Variants in PHACTR2 observed in about 807,000 individuals in gnomAD.
PHACTR2 encodes the protein chromosome 6 open reading frame 56.
PHACTR2 carries 30 observed loss-of-function variants against 76.0 expected under a neutral mutation model. The ratio of observed to expected loss-of-function variants is 0.39; its 90% CI spans 0.30 to 0.54. PHACTR2 has a LOEUF of 0.54. Ranked by LOEUF, PHACTR2 falls within the 20% of genes least tolerant of loss-of-function variation. The pLI is 0.61. For synonymous variants in PHACTR2, 292 were observed against 292.5 expected, an observed-to-expected ratio of 1.00 and a Z score of 0.02; for missense variants, 696 against 781.1, an observed-to-expected ratio of 0.89 and a Z score of 1.30.
chr6:143,643,396 G>A (rs942394276), intron 1 of PHACTR2, among the ~76,000 whole-genome samples: 1 of 152,160 alleles, frequency 6.6e-6, no homozygotes, highest in Non-Finnish European at 1.5e-5. Flanking sequence ...AAATTGGTTA[G>A]TTTATAGTCC....
chr6:143,683,294 T>G lies in PHACTR2; in HGVS notation c.46+5085T>G, dbSNP rs1582767554. ...TGAATGAGTCAACAAATAGTCTCAA[T>G]AAGCAGCCTGACTGCTTTAAACCAA... On this transcript the variant is annotated intron_variant, in intron 1 of 12. Coordinates refer to ENST00000440869, the MANE Select transcript of PHACTR2 (RefSeq NM_001100164.2). This position sits in a 1 kb window ranked among gnomAD's most constrained non-coding sequence, Gnocchi z 4.1. 6.6e-6 allele frequency among the ~76,000 whole-genome samples: 1 copy of G among 152,242 alleles called. No homozygotes were observed. Among genetic ancestry groups the G allele is most frequent in the African/African-American group, 2.4e-5 (1 of 41,460 alleles).
At position 143,743,345 on chromosome 6, in the gene PHACTR2, C is replaced by T. The variant is rs569354949; in HGVS notation, c.215-5640C>T. 6.6e-5 allele frequency among the ~76,000 whole-genome samples: 10 copies of T among 152,258 alleles called. No individual in the cohort carries two copies. The highest frequency in any genetic ancestry group is 1.9e-4 in the East Asian group (1 of 5,184). On this transcript the variant is annotated intron_variant, in intron 2 of 12. Coordinates refer to ENST00000440869, the MANE Select transcript of PHACTR2 (RefSeq NM_001100164.2). This position sits in a 1 kb window ranked among gnomAD's most constrained non-coding sequence, Gnocchi z 5.0. Reference sequence around the variant, plus strand: ...TGATGGGAAAAATGGTTCGCTGGGACGGGTTGTAAAGCTTGGCTGCCGTTC... The same window carrying T: ...TGATGGGAAAAATGGTTCGCTGGGATGGGTTGTAAAGCTTGGCTGCCGTTC...
intron 2 of PHACTR2, among the ~76,000 whole-genome samples, chr6:143,735,721 C>A (rs754070753): frequency 2.8e-4 from 42 of 152,040 alleles, no homozygotes; most frequent in Non-Finnish European, 5.1e-4. Context: ...ATATTGCTGG[C>A]ATTCCGTCAT....
intron 1 of PHACTR2, among the ~76,000 whole-genome samples, chr6:143,629,537 G>A (rs57947215): frequency 3.6e-3 from 541 of 152,234 alleles, no homozygotes; most frequent in African/African-American, 0.012. Context: ...GTATTGCGAT[G>A]GAAGCTCATA....
intron 12 of PHACTR2, among the ~76,000 whole-genome samples, chr6:143,814,166 G>A (rs1273460017): frequency 6.6e-6 from 1 of 152,140 alleles, no homozygotes; most frequent in Non-Finnish European, 1.5e-5. Context: ...GACGAGCTTG[G>A]CCAACATGGA....
intron 1 of PHACTR2, among the ~76,000 whole-genome samples, chr6:143,666,513 A>G (rs901843398): frequency 2.6e-5 from 4 of 152,190 alleles, no homozygotes; most frequent in Non-Finnish European, 5.9e-5. Flanking sequence ...CAGCATTCCC[A>G]TGTTTCCACA....
At chr6:143,716,762 G>C (rs893090620) in intron 2 of PHACTR2, among the ~76,000 whole-genome samples, 1 of 152,220 alleles carries the variant, frequency 6.6e-6, no homozygotes, top group Non-Finnish European at 1.5e-5. Context: ...ATTTGGAAGA[G>C]GAGTCTCCCA....
chr6:143,704,974 G>A (rs1237218276), intron 1 of PHACTR2, among the ~76,000 whole-genome samples: 5 of 149,994 alleles, frequency 3.3e-5, no homozygotes, highest in Non-Finnish European at 5.9e-5. Flanking sequence ...CTACACACAC[G>A]CTCCACCATG....
In PHACTR2 at chr6:143,546,929, C is replaced by T. The variant is rs1019195608; in HGVS notation, c.217+9722C>T. Among the ~76,000 whole-genome samples, 15 of 151,734 alleles carry T rather than the reference C, an allele frequency of 9.9e-5. No homozygotes were observed. In the South Asian group the frequency reaches 3.1e-3, roughly 32 times the overall value. Reference sequence around the variant, plus strand: ...GTGCGCACCTGTAGTCCTTGCTACTCAGGAGGCTGAAGTGGAAAGATTGCT... The same window carrying T: ...GTGCGCACCTGTAGTCCTTGCTACTTAGGAGGCTGAAGTGGAAAGATTGCT... On this transcript the variant is annotated intron_variant, in intron 1 of 11. Transcript: ENST00000367584. This position sits in a 1 kb window ranked among gnomAD's most constrained non-coding sequence, Gnocchi z 4.9.
chr6:143,642,468 A>T (rs751602129), intron 1 of PHACTR2, among the ~76,000 whole-genome samples: 1 of 152,192 alleles, frequency 6.6e-6, no homozygotes, highest in African/African-American at 2.4e-5. Flanking sequence ...CTGCAGTCAG[A>T]TGTAGTGGTT....
Position 143,754,012 on chromosome 6 carries a change from G to C in PHACTR2, c.454+100G>C. The C allele has an allele frequency of 3.2e-6, 2 of 623,982 alleles. No homozygotes were observed. Among genetic ancestry groups the C allele is most frequent in the Non-Finnish European group, 5.1e-6 (2 of 395,028 alleles). The allele number at this position is 623,982 out of a possible 1,614,324, so 38.7% of individuals were successfully genotyped here. On this transcript the variant is annotated intron_variant, in intron 4 of 12. Coordinates refer to ENST00000440869, the MANE Select transcript of PHACTR2 (RefSeq NM_001100164.2). This position sits in a 1 kb window ranked among gnomAD's most constrained non-coding sequence, Gnocchi z 6.2. ...CTAGTGACTCTAAAACCAGCAGTCT[G>C]CAGAGGAGAGGTTTACAAATAGAAA...
At chr6:143,748,775 G>T (rs751930137) in intron 2 of PHACTR2, among the ~76,000 whole-genome samples, 1 of 152,198 alleles carries the variant, frequency 6.6e-6, no homozygotes, top group Non-Finnish European at 1.5e-5. Flanking sequence ...CAGGGATGGC[G>T]GTTGGACTTC....
upstream of PHACTR2, among the ~76,000 whole-genome samples, chr6:143,606,047 T>A (rs576372155): frequency 1.1e-4 from 16 of 152,162 alleles, no homozygotes; most frequent in African/African-American, 1.4e-4. Flanking sequence ...TGTTTCAGAA[T>A]TCAGAATTTT....
At chr6:143,622,096 A>G (rs914509052) in intron 1 of PHACTR2, among the ~76,000 whole-genome samples, 1 of 151,998 alleles carries the variant, frequency 6.6e-6, no homozygotes, top group Non-Finnish European at 1.5e-5. Flanking sequence ...GAGTTTGTGA[A>G]TTTTTTACAT....
At chr6:143,741,417 C>T (rs1407207285) in intron 2 of PHACTR2, among the ~76,000 whole-genome samples, 3 of 152,266 alleles carry the variant, frequency 2.0e-5, no homozygotes, top group East Asian at 1.9e-4. Context: ...CGCTTGAACC[C>T]GGGAGGCAGA....
chr6:143,658,954 G>A lies in PHACTR2; in HGVS notation c.13+50632G>A, dbSNP rs149298652. 0.018 allele frequency among the ~76,000 whole-genome samples: 2,759 copies of A among 151,962 alleles called. 85 individuals carry two copies. The highest frequency in any genetic ancestry group is 0.061 in the African/African-American group (2,538 of 41,390). The stretch of plus-strand genomic sequence containing the variant: ...CAGGAGAATCGCTTGAACCCAGGAG[G>A]TGGAGGCTGAAGTGAGCTGAGATCA... On this transcript the variant is annotated intron_variant, in intron 1 of 11. Transcript: ENST00000305766. The surrounding 1 kb of genome is among the most constrained non-coding windows in gnomAD (Gnocchi z 4.1).
chr6:143,649,240 A>G (rs1356686216), intron 1 of PHACTR2, among the ~76,000 whole-genome samples: 1 of 152,188 alleles, frequency 6.6e-6, no homozygotes, highest in Non-Finnish European at 1.5e-5. Flanking sequence ...GGAGTGGATA[A>G]GGAGGGTGTG....
In PHACTR2 at chr6:143,639,559, G is replaced by A. The variant is rs755703434; in HGVS notation, c.13+31237G>A. 1.3e-5 allele frequency among the ~76,000 whole-genome samples: 2 copies of A among 152,102 alleles called. No homozygotes were observed. The highest frequency in any genetic ancestry group is 6.6e-5 in the Admixed American group (1 of 15,264). On this transcript the variant is annotated intron_variant, in intron 1 of 11. Coordinates refer to the PHACTR2 transcript ENST00000305766. This position sits in a 1 kb window ranked among gnomAD's most constrained non-coding sequence, Gnocchi z 5.0. ...TTCAAAAAGAATTAATTGTGCTGGG[G>A]AAAAGTCTTTAGGTTTGGGAGTGAG...
Position 143,733,398 on chromosome 6 carries a change from T to C in PHACTR2, c.215-15587T>C, listed in dbSNP as rs1216246160. Among the ~76,000 whole-genome samples, 1 of 152,210 alleles carries C rather than the reference T, an allele frequency of 6.6e-6. No homozygotes were observed. The highest frequency in any genetic ancestry group is 1.5e-5 in the Non-Finnish European group (1 of 68,036). ...ATAGTGCCTGGCTTATGTTAAACATTCAGTAAATGTATATTGAATGAACGA... is the reference window on the plus strand; with the variant it reads ...ATAGTGCCTGGCTTATGTTAAACATCCAGTAAATGTATATTGAATGAACGA... On this transcript the variant is annotated intron_variant, in intron 2 of 12. Coordinates refer to ENST00000440869, the MANE Select transcript of PHACTR2 (RefSeq NM_001100164.2). The surrounding 1 kb of genome is among the most constrained non-coding windows in gnomAD (Gnocchi z 4.0).
Sources: gnomAD v4.1 joint callset for allele counts (sites outside exome capture counted in the v4.1 genomes callset) on GRCh38, gnomAD v4.1.1 for gene constraint, Gnocchi (gnomAD v3.1) non-coding constraint, MANE v1.5 for transcripts, NCBI Gene and HGNC (gene_info 2026-07-23, HGNC 2026-07-21) for gene names.